Variants in MYO5C observed in about 807,000 individuals in gnomAD.
MYO5C encodes myosin VC, also known as unconventional myosin-Vc.
A neutral mutation model predicts 235.7 loss-of-function variants in MYO5C; 194 were observed. The observed-to-expected ratio is 0.82, with a 90% CI of 0.73 to 0.93. The LOEUF (loss-of-function observed/expected upper bound fraction) is 0.93, where lower values mean the gene tolerates loss of function less well. Among genes scored for constraint, MYO5C ranks in the 40% least tolerant of loss-of-function variants. The probability of loss-of-function intolerance (pLI) is 0.00; values close to 1 mark genes in which losing one functional copy is unlikely to be tolerated. For synonymous variants in MYO5C, 707 were observed against 754.8 expected (o/e 0.94, Z 1.04); for missense variants, 2,038 against 2,127.2 (o/e 0.96, Z 0.82).
rs1422043277 is a variant in MYO5C at position 52,214,777 on chromosome 15, C to T, written c.3955-87G>A. ...TTTGGGTAACAGCTTTATTGACATACAATTTGCATACCGTACAACTCACCC... is the reference window on the plus strand; with the variant it reads ...TTTGGGTAACAGCTTTATTGACATATAATTTGCATACCGTACAACTCACCC... On this transcript the variant is annotated intron_variant, in intron 32 of 40. Coordinates refer to ENST00000261839, the MANE Select transcript of MYO5C (RefSeq NM_018728.4). The T allele has an allele frequency of 3.9e-6, 3 of 764,928 alleles. No individual in the cohort carries two copies. In the African/African-American group the frequency reaches 5.4e-5, roughly 14 times the overall value. The allele number at this position is 764,928 out of a possible 1,614,324, so 47.4% of individuals were successfully genotyped here.
In MYO5C at chr15:52,193,904, A is replaced by G. The variant is rs2141250702; in HGVS notation, c.5227T>C (p.Ter1743GlnextTer13). Reference sequence around the variant, plus strand: ...AAGTGCATTGACTTTTTCTCCTGCTATAACCTATTCAGAAAGCCTAGCTTG... The same window carrying G: ...AAGTGCATTGACTTTTTCTCCTGCTGTAACCTATTCAGAAAGCCTAGCTTG... Reference protein sequence around the residue: ...SFKLGFLNRL* With the variant: ...SFKLGFLNRLQ The change falls in exon 41 of 41, where the codon TAG (stop) becomes CAG (glutamine). Residue 1743 changes from the stop codon to glutamine, a stop_lost. Transcript: ENST00000261839. The G allele has an allele frequency of 1.2e-6, 2 of 1,612,492 alleles. No homozygotes were observed. The highest frequency in any genetic ancestry group is 2.2e-5 in the East Asian group (1 of 44,784).
At chr15:52,205,719 A>G (rs941096457) in intron 37 of MYO5C, 97 bp downstream of exon 37, 15 of 694,706 alleles carry the variant, frequency 2.2e-5, no homozygotes, top group African/African-American at 5.4e-5. Context: ...TTTTTAAACA[A>G]TGTTACACAT....
rs569282774 is a variant in MYO5C at position 52,206,306 on chromosome 15, G to A, written c.4387-340C>T. ...CAAGGAAACAAACTGCTATGAAGAGGTAAGTGGATACAATAAATGAGATTC... is the reference window on the plus strand; with the variant it reads ...CAAGGAAACAAACTGCTATGAAGAGATAAGTGGATACAATAAATGAGATTC... On this transcript the variant is annotated intron_variant, in intron 36 of 40. Transcript: ENST00000261839. 2.6e-5 allele frequency among the ~76,000 whole-genome samples: 4 copies of A among 152,278 alleles called. No homozygotes were observed. In the East Asian group the frequency reaches 7.7e-4, roughly 29 times the overall value.
chr15:52,221,460 G>T (rs2141286353), intron 29 of MYO5C, among the ~76,000 whole-genome samples: 1 of 152,216 alleles, frequency 6.6e-6, no homozygotes, highest in Middle Eastern at 3.4e-3. Context: ...TATGCTCAGA[G>T]GAAGCAGTTC....
intron 35 of MYO5C, among the ~76,000 whole-genome samples, chr15:52,209,232 C>T (rs1224864010): frequency 6.6e-6 from 1 of 152,086 alleles, no homozygotes; most frequent in African/African-American, 2.4e-5. Context: ...ATTTAAAAGA[C>T]AAGGGAGGAA....
intron 1 of MYO5C, among the ~76,000 whole-genome samples, chr15:52,284,464 G>A (rs900410672): frequency 2.0e-5 from 3 of 152,146 alleles, no homozygotes; most frequent in African/African-American, 7.2e-5. Flanking sequence ...GAGTGACTCC[G>A]AAGGTGTATG....
intron 13 of MYO5C, among the ~76,000 whole-genome samples, chr15:52,250,032 A>G (rs1053607704): frequency 6.6e-6 from 1 of 152,108 alleles, no homozygotes; most frequent in Admixed American, 6.6e-5. Context: ...TACATCCTAT[A>G]AAGAGAGACC....
At chr15:52,291,731 G>GTTTTTTATTTTTTTTTTTTTTTTT (rs1555422071) in intron 1 of MYO5C, among the ~76,000 whole-genome samples, 1 of 52,562 alleles carries the variant, frequency 1.9e-5, no homozygotes, top group Non-Finnish European at 3.3e-5. Context: ...CATATTTTAT[G>GTTTTTTATTTTTTTTTTTTTTTTT]TTTTTTTTTT....
Position 52,256,699 on chromosome 15 carries a change from G to A in MYO5C, c.1335C>T (p.Asn445=). The change falls in exon 11 of 41, where the codon AAC becomes AAT. Residue 445 remains asparagine (N), a synonymous_variant. Transcript: ENST00000261839. ...DIYGFETFDV[N]SFEQFCINYA... is the part of the protein sequence containing the mutation. ...AATTGATGCAAAATTGTTCAAAGCTGTTCACATCAAAGGTTTCAAAACTGA... is the reference window on the plus strand; with the variant it reads ...AATTGATGCAAAATTGTTCAAAGCTATTCACATCAAAGGTTTCAAAACTGA... 2 of 1,611,514 alleles carry A rather than the reference G, an allele frequency of 1.2e-6. No homozygotes were observed. Among genetic ancestry groups the A allele is most frequent in the Non-Finnish European group, 1.7e-6 (2 of 1,178,450 alleles).
chr15:52,270,554 T>G (rs931843607), intron 7 of MYO5C, among the ~76,000 whole-genome samples: 6 of 151,126 alleles, frequency 4.0e-5, no homozygotes, highest in Admixed American at 6.6e-5. Flanking sequence ...ATTAGCACAA[T>G]CCGGATAATG....
In MYO5C at chr15:52,237,629, C is replaced by T. The variant is rs1296259319; in HGVS notation, c.2721G>A (p.Gly907=). 6.2e-7 allele frequency: 1 copy of T among 1,612,610 alleles called. No homozygotes were observed. The highest frequency in any genetic ancestry group is 1.7e-5 in the Admixed American group (1 of 59,712). ...KLEDQNKENH[G]LVEKLTSLAA... is the part of the protein sequence containing the mutation. Reference sequence around the variant, plus strand: ...CCAGGCTAGTCAGCTTCTCCACCAGCCCATGGTTTTCTTTGTTCTAGAGAA... The same window carrying T: ...CCAGGCTAGTCAGCTTCTCCACCAGTCCATGGTTTTCTTTGTTCTAGAGAA... Residue 907 remains glycine (G), a synonymous_variant, in exon 22 of 41, where the codon GGG becomes GGA. Coordinates refer to ENST00000261839, the MANE Select transcript of MYO5C (RefSeq NM_018728.4).
rs370630081 is a variant in MYO5C at position 52,253,370 on chromosome 15, C to A, written c.1483G>T (p.Asp495Tyr). ...IDFYDNQPVI[D>Y]LIEAKMGILE... ...ATTCCCATTTTTGCTTCAATCAGGT[C>A]AATAACTGGTTGATTGTCATAAAAA... Residue 495 changes from aspartate (D) to tyrosine (Y), a missense_variant, in exon 12 of 41, where the codon GAC becomes TAC. By Grantham distance (160) the Asp-to-Tyr change is radical (BLOSUM62 -3). Transcript: ENST00000261839. 2 of 1,613,216 alleles carry A rather than the reference C, an allele frequency of 1.2e-6. No individual in the cohort carries two copies. The highest frequency in any genetic ancestry group is 1.7e-5 in the Admixed American group (1 of 59,954).
rs2036750097 is a variant in MYO5C, at chr15:52,264,054, C to T, written c.1047+136G>A. ...TGAAGGCAAGCCCTGGAAACCCTTG[C>T]CGCCTGCCTCCTGTTAAACCAGTCT... is the stretch of plus-strand genomic sequence containing the variant. On this transcript the variant is annotated intron_variant, in intron 9 of 40. Transcript: ENST00000261839. 4 of 613,556 alleles carry T rather than the reference C, an allele frequency of 6.5e-6. No homozygotes were observed. The East Asian group carries it at 1.1e-4, about 17-fold the overall frequency. 38.0% of individuals were successfully genotyped at this position (613,556 alleles called of 1,614,324 possible).
At chr15:52,227,981 C>A (rs1229419156) in intron 25 of MYO5C, among the ~76,000 whole-genome samples, 1 of 152,132 alleles carries the variant, frequency 6.6e-6, no homozygotes, top group African/African-American at 2.4e-5. Context: ...CATTTAAGAA[C>A]GTAGGTACAC....
At chr15:52,198,815 T>C (rs148569475) in intron 38 of MYO5C, among the ~76,000 whole-genome samples, 2,023 of 151,696 alleles carry the variant, frequency 0.013, 39 homozygotes, top group African/African-American at 0.047. Context: ...CTCCTGACCT[T>C]GTGATCTGCC....
At chr15:52,280,551 C>T (rs1018419374) in intron 2 of MYO5C, among the ~76,000 whole-genome samples, 1 of 152,210 alleles carries the variant, frequency 6.6e-6, no homozygotes, top group Non-Finnish European at 1.5e-5. Flanking sequence ...GAGCAGGTTA[C>T]CCAGCATGCT....
chr15:52,225,421 G>T lies in MYO5C; in HGVS notation c.3301+18C>A, dbSNP rs1462976928. The stretch of plus-strand genomic sequence containing the variant: ...TTCAGTCTGCACCCATGGACTAAGA[G>T]ACTCATATTTTTATTACCTCTCATT... On this transcript the variant is annotated intron_variant, in intron 26 of 40. Transcript: ENST00000261839. The T allele has an allele frequency of 1.9e-6, 3 of 1,556,674 alleles. No individual in the cohort carries two copies. The South Asian group carries it at 3.3e-5, about 17-fold the overall frequency.
rs79679062 is a variant in MYO5C at position 52,195,046 on chromosome 15, C to A, written c.5076+331G>T. The stretch of plus-strand genomic sequence containing the variant: ...GATTATATAAGAAAAAATGGTTATA[C>A]AAATGATTATAAAAGAAAAATGGTC... On this transcript the variant is annotated intron_variant, in intron 40 of 40. Coordinates refer to ENST00000261839, the MANE Select transcript of MYO5C (RefSeq NM_018728.4). Among the ~76,000 whole-genome samples the A allele has an allele frequency of 4.9e-3, 745 of 152,194 alleles. 18 individuals are homozygous for A. Among genetic ancestry groups the A allele is most frequent in the Admixed American group, 0.026 (396 of 15,276 alleles).
intron 31 of MYO5C, among the ~76,000 whole-genome samples, chr15:52,219,380 C>G (rs1418356666): frequency 1.3e-5 from 2 of 152,190 alleles, no homozygotes; most frequent in Non-Finnish European, 2.9e-5. Context: ...AGAAACCGTC[C>G]TCTCTCACAC....
Sources: gnomAD v4.1 joint callset for allele counts (sites outside exome capture counted in the v4.1 genomes callset) on GRCh38, gnomAD v4.1.1 for gene constraint, MANE v1.5 for transcripts, NCBI Gene and HGNC (gene_info 2026-07-23, HGNC 2026-07-21) for gene names.